LPCAT2: variants seen among roughly 807,000 people sequenced by gnomAD.
LPCAT2 encodes lysophosphatidylcholine acyltransferase 2, also known as 1-AGP acyltransferase 11.
LPCAT2 carries 58 observed loss-of-function variants against 64.7 expected under a neutral mutation model. The observed-to-expected ratio is 0.90, with a 90% confidence interval of 0.73 to 1.12. LPCAT2 has a LOEUF of 1.12. Among genes scored for constraint, LPCAT2 ranks in the 50% most tolerant of loss-of-function variants. The probability of loss-of-function intolerance (pLI) is 0.00; values close to 1 mark genes in which losing one functional copy is unlikely to be tolerated. For missense variants in LPCAT2, 579 were observed against 669.8 expected (o/e 0.86, Z 1.50); for synonymous variants, 252 against 245.3 (o/e 1.03, Z -0.26).
At chr16:55,557,351 CTTTGT>C in intron 11 of LPCAT2, among the ~76,000 whole-genome samples, 1 of 151,008 alleles carries the variant, frequency 6.6e-6, no homozygotes, top group East Asian at 2.0e-4. Flanking sequence ...TGAAGATTTA[CTTTGT>C]TTTGAGAAGC....
At chr16:55,515,558 A>G (rs534663448) in intron 1 of LPCAT2, among the ~76,000 whole-genome samples, 1 of 152,246 alleles carries the variant, frequency 6.6e-6, no homozygotes, top group Non-Finnish European at 1.5e-5. Context: ...AGGTAACTAC[A>G]TGGGTAGACA....
intron 2 of LPCAT2, chr16:55,525,872 A>G: frequency 3.4e-6 from 1 of 292,160 alleles, no homozygotes; most frequent in Non-Finnish European, 6.2e-6. Context: ...TTACTGCCCA[A>G]ATGCCAACTA....
intron 10 of LPCAT2, 119 bp downstream of exon 10, chr16:55,549,521 G>A: frequency 9.9e-7 from 1 of 1,008,974 alleles, no homozygotes; most frequent in Non-Finnish European, 1.4e-6. Context: ...GTGTATATTA[G>A]GAAAGTCAGA....
At chr16:55,529,228 GT>G (rs1963217961) in intron 3 of LPCAT2, among the ~76,000 whole-genome samples, 2 of 152,278 alleles carry the variant, frequency 1.3e-5, no homozygotes, top group South Asian at 4.1e-4. Context: ...ATGAGAGAGT[GT>G]GAAAGTTCCC....
chr16:55,552,332 TTATC>T (rs1386805325), intron 11 of LPCAT2, among the ~76,000 whole-genome samples: 3 of 152,242 alleles, frequency 2.0e-5, no homozygotes, highest in Non-Finnish European at 4.4e-5. Context: ...CATAGTTACT[TTATC>T]TATTCCCTAG....
chr16:55,514,346 G>A (rs1962976826), intron 1 of LPCAT2, among the ~76,000 whole-genome samples: 1 of 152,182 alleles, frequency 6.6e-6, no homozygotes, highest in South Asian at 2.1e-4. Flanking sequence ...CTAAGGCAGA[G>A]TTGTCATCTG....
chr16:55,545,515 T>C, intron 8 of LPCAT2: 2 of 381,480 alleles, frequency 5.2e-6, no homozygotes, highest in Non-Finnish European at 9.5e-6. Context: ...AGAGTTGAAA[T>C]GGTTCATCAA....
chr16:55,522,493 A>C (rs1412575792), intron 1 of LPCAT2, among the ~76,000 whole-genome samples: 1 of 151,706 alleles, frequency 6.6e-6, no homozygotes, highest in Admixed American at 6.6e-5. Context: ...TCTAAAACTT[A>C]TATGGAAATG....
intron 7 of LPCAT2, among the ~76,000 whole-genome samples, chr16:55,535,876 G>T (rs1963317240): frequency 6.6e-6 from 1 of 152,136 alleles, no homozygotes; most frequent in African/African-American, 2.4e-5. Context: ...TTTTCTGGAA[G>T]AGGAACTGGG....
Position 55,555,814 on chromosome 16 carries a change from GTTTA to G in LPCAT2, c.1215+4716_1215+4719del, listed in dbSNP as rs1384805254. Among the ~76,000 whole-genome samples, 9 of 152,118 alleles carry G rather than the reference GTTTA, an allele frequency of 5.9e-5. No individual in the cohort carries two copies. The East Asian group carries it at 1.5e-3, about 26-fold the overall frequency. Reference sequence around the variant, plus strand: ...TAGGGGAAGAAAGAAGTAAATTATTGTTTATTTGTTTTTTTCTTGAGACTGAATG... The same window carrying G: ...TAGGGGAAGAAAGAAGTAAATTATTGTTTGTTTTTTTCTTGAGACTGAATG... On this transcript the variant is annotated intron_variant, in intron 11 of 13. Transcript: ENST00000262134.
chr16:55,585,249 A>G lies in LPCAT2; in HGVS notation c.*2151A>G, dbSNP rs758780666. The G allele has an allele frequency of 1.3e-5, 2 of 152,236 alleles. No individual in the cohort carries two copies. The highest frequency in any genetic ancestry group is 2.9e-5 in the Non-Finnish European group (2 of 68,024). 9.4% of individuals were successfully genotyped at this position (152,236 alleles called of 1,614,324 possible). ...TACCCTTTTAATATCATATGTTTAC[A>G]TATTTATGAATGATTAATCATTTTT... On this transcript the variant is annotated 3_prime_UTR_variant, in exon 14 of 14. Coordinates refer to ENST00000262134, the MANE Select transcript of LPCAT2 (RefSeq NM_017839.5).
intron 9 of LPCAT2, among the ~76,000 whole-genome samples, chr16:55,548,076 T>A (rs531151763): frequency 3.3e-5 from 5 of 152,272 alleles, no homozygotes; most frequent in African/African-American, 1.2e-4. Flanking sequence ...CCAAAAAAAA[T>A]GTTTTATTCT....
intron 11 of LPCAT2, among the ~76,000 whole-genome samples, chr16:55,566,022 A>G (rs2142412193): frequency 6.6e-6 from 1 of 152,304 alleles, no homozygotes; most frequent in East Asian, 1.9e-4. Context: ...AAGTAACTAG[A>G]AAGAAGTATG....
intron 4 of LPCAT2, among the ~76,000 whole-genome samples, chr16:55,531,120 A>T (rs912005215): frequency 2.6e-5 from 4 of 152,204 alleles, no homozygotes; most frequent in Non-Finnish European, 4.4e-5. Context: ...ATATCCTTTC[A>T]TAATTTTTAT....
At chr16:55,550,730 A>G (rs950339928) in intron 10 of LPCAT2, among the ~76,000 whole-genome samples, 2 of 152,210 alleles carry the variant, frequency 1.3e-5, no homozygotes, top group Non-Finnish European at 2.9e-5. Context: ...CCTGGCCAAC[A>G]TGGTGAAACC....
intron 8 of LPCAT2, chr16:55,540,168 T>C (rs1236861978): frequency 3.3e-5 from 5 of 152,200 alleles, no homozygotes; most frequent in Non-Finnish European, 5.9e-5. Context: ...CTTCCCAACA[T>C]AGAGACATAC....
chr16:55,551,812 A>C (rs1389363553), intron 11 of LPCAT2, among the ~76,000 whole-genome samples: 1 of 152,144 alleles, frequency 6.6e-6, no homozygotes, highest in African/African-American at 2.4e-5. Flanking sequence ...AGCCAGGCAT[A>C]GTGGTGCACA....
Position 55,574,611 on chromosome 16 carries a change from T to A in LPCAT2, c.1216-20T>A. The A allele has an allele frequency of 6.4e-7, 1 of 1,566,700 alleles. No individual in the cohort carries two copies. Among genetic ancestry groups the A allele is most frequent in the South Asian group, 1.1e-5 (1 of 90,086 alleles). ...TTCCACTAGTGGCCCTCCTAATTGA[T>A]TTATCCCATCCTTTCACAGAACCAT... On this transcript the variant is annotated intron_variant, in intron 11 of 13. Transcript: ENST00000262134.
rs923599691 is a variant in LPCAT2 at position 55,585,440 on chromosome 16, C to T, written c.*2342C>T. On this transcript the variant is annotated 3_prime_UTR_variant, in exon 14 of 14. Coordinates refer to ENST00000262134, the MANE Select transcript of LPCAT2 (RefSeq NM_017839.5). Reference sequence around the variant, plus strand: ...AATATTATTGCAGACCAGGACTCTGCTTATATGCCTTGCTAACAAAGATTT... The same window carrying T: ...AATATTATTGCAGACCAGGACTCTGTTTATATGCCTTGCTAACAAAGATTT... The T allele has an allele frequency of 6.6e-6, 1 of 152,186 alleles. No individual in the cohort carries two copies. The highest frequency in any genetic ancestry group is 1.5e-5 in the Non-Finnish European group (1 of 68,010). 9.4% of individuals were successfully genotyped at this position (152,186 alleles called of 1,614,324 possible). A position where few individuals can be genotyped will look rare whatever the true frequency, so the allele number is the denominator to read the frequency against.
Sources: allele counts gnomAD v4.1 joint callset (sites outside exome capture counted in the v4.1 genomes callset), GRCh38; gene constraint gnomAD v4.1.1; transcripts MANE v1.5; gene names NCBI Gene and HGNC (gene_info 2026-07-23, HGNC 2026-07-21).